CAMK2B: variants seen among roughly 807,000 people sequenced by gnomAD.
CAMK2B encodes calcium/calmodulin dependent protein kinase II beta, also known as calcium/calmodulin-dependent protein kinase type II subunit beta.
A neutral mutation model predicts 93.7 loss-of-function variants in CAMK2B; 27 were observed. The ratio of observed to expected loss-of-function variants is 0.29; its 90% CI spans 0.21 to 0.40. The LOEUF (loss-of-function observed/expected upper bound fraction) is 0.40, where lower values mean the gene tolerates loss of function less well. Ranked by LOEUF, CAMK2B falls within the 10% of genes least tolerant of loss-of-function variation. The pLI is 1.00. For missense variants in CAMK2B, 568 were observed against 895.8 expected, an observed-to-expected ratio of 0.63 and a Z score of 4.67; for synonymous variants, 374 against 358.8, an observed-to-expected ratio of 1.04 and a Z score of -0.48.
At chr7:44,267,930 T>C (rs1331522357) in intron 2 of CAMK2B, 1 of 152,214 alleles carries the variant, frequency 6.6e-6, no homozygotes, top group Non-Finnish European at 1.5e-5. Context: ...CTTTTCTAGG[T>C]GATTTGGCTA....
At chr7:44,232,763 C>A (rs867885263) in intron 16 of CAMK2B, 59 bp downstream of exon 16, 2 of 1,538,482 alleles carry the variant, frequency 1.3e-6, no homozygotes, top group Non-Finnish European at 1.8e-6. Flanking sequence ...CCCCAGACCT[C>A]TCTCCTGGCC....
chr7:44,279,238 A>G (rs1423037401), intron 2 of CAMK2B, among the ~76,000 whole-genome samples: 1 of 152,230 alleles, frequency 6.6e-6, no homozygotes, highest in African/African-American at 2.4e-5. Flanking sequence ...ATGGAACAAG[A>G]CTGGCTAAGA....
At chr7:44,260,297 C>T (rs938019701) in intron 3 of CAMK2B, among the ~76,000 whole-genome samples, 4 of 152,180 alleles carry the variant, frequency 2.6e-5, no homozygotes, top group Non-Finnish European at 5.9e-5. Flanking sequence ...AGGGGCCCAG[C>T]CTGATAGCGT....
intron 20 of CAMK2B, 28 bp from the exon 21 acceptor site, chr7:44,220,929 C>T (rs1436842044): frequency 6.5e-7 from 1 of 1,545,420 alleles, no homozygotes; most frequent in Non-Finnish European, 8.8e-7. Context: ...CAGGTGACCA[C>T]TGGGCGCTGG....
intron 16 of CAMK2B, among the ~76,000 whole-genome samples, chr7:44,231,341 G>T (rs1378397586): frequency 6.6e-6 from 1 of 152,164 alleles, no homozygotes; most frequent in Non-Finnish European, 1.5e-5. Context: ...GCATTCTCAC[G>T]GCAGCCAGCA....
rs991510533 is a variant in CAMK2B at position 44,286,007 on chromosome 7, T to C, written c.66-1782A>G. On this transcript the variant is annotated intron_variant, in intron 1 of 23. Transcript: ENST00000395749. This position sits in a 1 kb window ranked among gnomAD's most constrained non-coding sequence, Gnocchi z 4.0. ...AAAGAAAAATATAAAGAAAGGATTA[T>C]TATTTTTAACATATGACATTAACTT... 6.6e-6 allele frequency among the ~76,000 whole-genome samples: 1 copy of C among 152,132 alleles called. No individual in the cohort carries two copies. Among genetic ancestry groups the C allele is most frequent in the Non-Finnish European group, 1.5e-5 (1 of 68,012 alleles).
At chr7:44,222,305 C>A (rs2096418149) in intron 20 of CAMK2B, among the ~76,000 whole-genome samples, 1 of 152,222 alleles carries the variant, frequency 6.6e-6, no homozygotes, top group South Asian at 2.1e-4. Flanking sequence ...CCTCAAACAG[C>A]TGCCCGCCCT....
intron 6 of CAMK2B, among the ~76,000 whole-genome samples, chr7:44,245,537 A>G (rs974223632): frequency 3.4e-4 from 52 of 152,128 alleles, no homozygotes; most frequent in African/African-American, 1.2e-3. Flanking sequence ...TGGTAACACA[A>G]TGTCTGTGGC....
intron 2 of CAMK2B, chr7:44,268,658 C>G (rs1205159179): frequency 6.6e-6 from 1 of 152,456 alleles, no homozygotes; most frequent in Admixed American, 6.5e-5. Flanking sequence ...CCCAGATCCA[C>G]AGGACCCCCG....
At chr7:44,285,725 G>A (rs535477002) in intron 1 of CAMK2B, among the ~76,000 whole-genome samples, 85 of 151,102 alleles carry the variant, frequency 5.6e-4, no homozygotes, top group African/African-American at 1.8e-3. Context: ...ACTGAGCTGC[G>A]TCTTCGCTTT....
In CAMK2B at chr7:44,234,403, G is replaced by T. The variant is rs1238433773; in HGVS notation, c.1118C>A (p.Pro373His). Residue 373 changes from proline to histidine, a missense_variant, in exon 15 of 24, where the codon CCT becomes CAT. Physicochemically the swap from Pro to His is moderately conservative, Grantham distance 77. Transcript: ENST00000395749. Reference protein sequence around the residue: ...AAATSPKGTLPPAALEPQTTV... With the variant: ...AAATSPKGTLHPAALEPQTTV... The stretch of plus-strand genomic sequence containing the variant: ...GGAGCTCAGTACCAGGGCGGCAGGA[G>T]GAAGCGTCCCTTTGGGGCTGGTGGC... The T allele has an allele frequency of 6.5e-7, 1 of 1,532,668 alleles. No homozygotes were observed. The highest frequency in any genetic ancestry group is 2.3e-5 in the East Asian group (1 of 43,398). The allele number at this position is 1,532,668 out of a possible 1,614,324, so 94.9% of individuals were successfully genotyped here.
At chr7:44,226,670 A>G (rs773374487) in intron 19 of CAMK2B, 26 bp from the exon 20 acceptor site, 1 of 1,516,998 alleles carries the variant, frequency 6.6e-7, no homozygotes, top group East Asian at 2.7e-5. Flanking sequence ...CGAGACGTGA[A>G]CACAAGGCAG....
In CAMK2B at chr7:44,229,088, G is replaced by A. The variant is rs569865942; in HGVS notation, c.1340-164C>T. 46 of 737,426 alleles carry A rather than the reference G, an allele frequency of 6.2e-5. No individual in the cohort carries two copies. In the East Asian group the frequency reaches 7.3e-4, roughly 12 times the overall value. 45.7% of individuals were successfully genotyped at this position (737,426 alleles called of 1,614,324 possible). A position where few individuals can be genotyped will look rare whatever the true frequency, so the allele number is the denominator to read the frequency against. ...TCAATAGCAGGGAGCCCCCCCGCCC[G>A]CAAGCTGAGGTGGAGTGAGGCCTGC... is the stretch of plus-strand genomic sequence containing the variant. On this transcript the variant is annotated intron_variant, in intron 18 of 23. Transcript: ENST00000395749.
At chr7:44,290,151 T>C (rs971549863) in intron 1 of CAMK2B, among the ~76,000 whole-genome samples, 3 of 152,192 alleles carry the variant, frequency 2.0e-5, no homozygotes, top group Non-Finnish European at 4.4e-5. Flanking sequence ...TGGGACCCCT[T>C]CAATCCACAG....
At chr7:44,264,142 A>G (rs1034046004) in intron 2 of CAMK2B, 1 of 152,620 alleles carries the variant, frequency 6.6e-6, no homozygotes, top group African/African-American at 2.4e-5. Context: ...GCACATAATT[A>G]ATACACAAGA....
At chr7:44,258,329 A>T (rs965146921) in intron 4 of CAMK2B, among the ~76,000 whole-genome samples, 1 of 152,208 alleles carries the variant, frequency 6.6e-6, no homozygotes, top group Non-Finnish European at 1.5e-5. Flanking sequence ...TCACTCATAC[A>T]TTCACACAAT....
In CAMK2B at chr7:44,219,340, TC is replaced by T. The variant is rs2096368531; in HGVS notation, c.*184del. The T allele has an allele frequency of 7.8e-6, 1 of 127,724 alleles. No individual in the cohort carries two copies. The highest frequency in any genetic ancestry group is 1.6e-5 in the Non-Finnish European group (1 of 60,718). 7.9% of individuals were successfully genotyped at this position (127,724 alleles called of 1,614,324 possible). On this transcript the variant is annotated 3_prime_UTR_variant, in exon 24 of 24. Coordinates refer to ENST00000395749, the MANE Select transcript of CAMK2B (RefSeq NM_001220.5). Reference sequence around the variant, plus strand: ...ATTTTTTTTGTGGTTGTCGTCGTCATCTTGTTTTTTTTTTTTTTTTTTTTGT... The same window carrying T: ...ATTTTTTTTGTGGTTGTCGTCGTCATTTGTTTTTTTTTTTTTTTTTTTTGT...
intron 2 of CAMK2B, among the ~76,000 whole-genome samples, chr7:44,283,324 A>G (rs1439062275): frequency 1.3e-5 from 2 of 151,850 alleles, no homozygotes; most frequent in African/African-American, 4.8e-5. Context: ...AGACCCCACA[A>G]GGGCAGGGAG....
chr7:44,260,491 G>A (rs1245383388), intron 3 of CAMK2B, among the ~76,000 whole-genome samples: 1 of 152,222 alleles, frequency 6.6e-6, no homozygotes, highest in Non-Finnish European at 1.5e-5. Flanking sequence ...GGCAAGCCCA[G>A]CCCCTGCCAC....
Sources: gnomAD v4.1 joint callset for allele counts (sites outside exome capture counted in the v4.1 genomes callset) on GRCh38, gnomAD v4.1.1 for gene constraint, Gnocchi (gnomAD v3.1) non-coding constraint, MANE v1.5 for transcripts, NCBI Gene and HGNC (gene_info 2026-07-23, HGNC 2026-07-21) for gene names.